The following PDE10A variants were observed in gnomAD, a reference collection of about 807,000 sequenced individuals.
The protein encoded by PDE10A is cAMP and cAMP-inhibited cGMP 3',5'-cyclic phosphodiesterase 10A.
Under a neutral mutation model 97.7 loss-of-function variants are expected in PDE10A, and 39 were observed. That is an observed-to-expected ratio of 0.40 (90% CI 0.31 to 0.52). The LOEUF (loss-of-function observed/expected upper bound fraction) is 0.52. PDE10A is among the 20% of genes least tolerant of loss of function. The probability of loss-of-function intolerance (pLI) is 0.56; values close to 1 mark genes in which losing one functional copy is unlikely to be tolerated. For synonymous variants in PDE10A, 371 were observed against 376.8 expected (o/e 0.98, Z 0.18); for missense variants, 731 against 1,047.8 (o/e 0.70, Z 4.17).
At chr6:165,508,718 T>C (rs1053049217) in intron 2 of PDE10A, among the ~76,000 whole-genome samples, 2 of 151,972 alleles carry the variant, frequency 1.3e-5, no homozygotes, top group African/African-American at 4.8e-5. Context: ...GGTTTAATTT[T>C]AGCCACTGCA....
At position 165,674,508 on chromosome 6, in the gene PDE10A, C is replaced by T. The variant is rs944020340; in HGVS notation, c.-614-130940G>A. 2.6e-5 allele frequency among the ~76,000 whole-genome samples: 4 copies of T among 152,146 alleles called. No homozygotes were observed. In the East Asian group the frequency reaches 5.8e-4, roughly 22 times the overall value. On this transcript the variant is annotated intron_variant, in intron 1 of 19. Coordinates refer to the PDE10A transcript ENST00000366882. ...CAGATTGACGTGCGTGCGTGGGAACCGTGAGACCACTGCCTGGCTTAGAGC... is the reference window on the plus strand; with the variant it reads ...CAGATTGACGTGCGTGCGTGGGAACTGTGAGACCACTGCCTGGCTTAGAGC...
At chr6:165,480,731 T>C (rs1490669858) in intron 3 of PDE10A, among the ~76,000 whole-genome samples, 1 of 152,222 alleles carries the variant, frequency 6.6e-6, no homozygotes, top group Non-Finnish European at 1.5e-5. Context: ...GCAGAAGCCC[T>C]CTGGCCAGTC....
At chr6:165,450,092 T>TC in intron 4 of PDE10A, 150 bp downstream of exon 4, 1 of 576,786 alleles carries the variant, frequency 1.7e-6, no homozygotes, top group Admixed American at 3.1e-5. Flanking sequence ...TCTGGTAGTT[T>TC]CATAATAAAA....
chr6:165,827,626 A>C (rs1220045153), intron 1 of PDE10A, among the ~76,000 whole-genome samples: 1 of 152,218 alleles, frequency 6.6e-6, no homozygotes, highest in East Asian at 1.9e-4. Flanking sequence ...TATGTATTTC[A>C]ATTCTTGGCT....
intron 1 of PDE10A, among the ~76,000 whole-genome samples, chr6:165,904,402 T>C (rs1321447896): frequency 1.3e-5 from 2 of 152,116 alleles, no homozygotes; most frequent in Non-Finnish European, 1.5e-5. Flanking sequence ...CAATGAACAA[T>C]GAAGAGAGGT....
intron 1 of PDE10A, among the ~76,000 whole-genome samples, chr6:165,643,304 C>T (rs1002329241): frequency 2.0e-5 from 3 of 151,418 alleles, no homozygotes; most frequent in Admixed American, 1.3e-4. Context: ...GATGGGTGTA[C>T]AGATGTATGG....
intron 3 of PDE10A, among the ~76,000 whole-genome samples, chr6:165,455,550 C>T (rs1254056793): frequency 1.3e-5 from 2 of 152,196 alleles, no homozygotes; most frequent in Non-Finnish European, 2.9e-5. Context: ...AATTCTTAGG[C>T]TGCATTTCAA....
At chr6:165,608,390 T>C (rs1396219298) in intron 1 of PDE10A, among the ~76,000 whole-genome samples, 1 of 151,968 alleles carries the variant, frequency 6.6e-6, no homozygotes, top group Non-Finnish European at 1.5e-5. Context: ...GATAGTTTGC[T>C]GAGAATGATG....
intron 1 of PDE10A, among the ~76,000 whole-genome samples, chr6:165,577,237 G>A (rs1363122786): frequency 6.6e-6 from 1 of 152,124 alleles, no homozygotes; most frequent in Non-Finnish European, 1.5e-5. Context: ...CCATGCCAGC[G>A]TACAGCCTTC....
chr6:165,714,083 G>A (rs1377776791), intron 1 of PDE10A, among the ~76,000 whole-genome samples: 1 of 152,218 alleles, frequency 6.6e-6, no homozygotes, highest in African/African-American at 2.4e-5. Flanking sequence ...AACATTCTGA[G>A]TAATTAGAGT....
chr6:165,526,322 G>A (rs1444561652), intron 2 of PDE10A, among the ~76,000 whole-genome samples: 1 of 152,070 alleles, frequency 6.6e-6, no homozygotes. Context: ...TGGGTCTAGT[G>A]GGTCCCTGGA....
chr6:165,610,224 T>C (rs1175766892), intron 1 of PDE10A, among the ~76,000 whole-genome samples: 2 of 152,146 alleles, frequency 1.3e-5, no homozygotes, highest in African/African-American at 2.4e-5. Flanking sequence ...AACTATCTGA[T>C]CTTTGACAAA....
intron 1 of PDE10A, among the ~76,000 whole-genome samples, chr6:165,809,406 T>C (rs1311381963): frequency 7.2e-5 from 11 of 152,222 alleles, no homozygotes; most frequent in Non-Finnish European, 1.5e-4. Context: ...TGCTGGGCTT[T>C]GCATCCTCCT....
At chr6:165,406,070 A>C (rs220779) in intron 13 of PDE10A, among the ~76,000 whole-genome samples, 32,138 of 152,110 alleles carry the variant, frequency 0.21, 3,589 homozygotes, top group Middle Eastern at 0.31. Context: ...AAAAGAAGAA[A>C]AAAAAAGACT....
chr6:165,619,404 G>A (rs866966403), intron 1 of PDE10A, among the ~76,000 whole-genome samples: 11 of 127,604 alleles, frequency 8.6e-5, no homozygotes, highest in Non-Finnish European at 1.5e-4. Context: ...GTAGTGTAGT[G>A]TAGTCTAGTG....
chr6:165,396,219 G>GTAT, intron 14 of PDE10A, 98 bp downstream of exon 14: 1 of 1,099,122 alleles, frequency 9.1e-7, no homozygotes, highest in East Asian at 2.4e-5. Context: ...TGTAATATGT[G>GTAT]TATAATAATT....
At chr6:165,810,339 C>A (rs1364383783) in intron 1 of PDE10A, among the ~76,000 whole-genome samples, 1 of 152,100 alleles carries the variant, frequency 6.6e-6, no homozygotes, top group Admixed American at 6.5e-5. Flanking sequence ...TCTGAGTATT[C>A]CGCAAATGTG....
At chr6:165,875,731 G>GTTTTTTTTTTTTTTTTTTTTTTTT (rs748111095) in intron 1 of PDE10A, among the ~76,000 whole-genome samples, 2 of 46,944 alleles carry the variant, frequency 4.3e-5, no homozygotes, top group African/African-American at 1.6e-4. Context: ...TTCTTTTACT[G>GTTTTTTTTTTTTTTTTTTTTTTTT]TTTTTTTTTT....
At chr6:165,568,221 G>C (rs951391031) in intron 1 of PDE10A, among the ~76,000 whole-genome samples, 5 of 151,894 alleles carry the variant, frequency 3.3e-5, no homozygotes, top group Admixed American at 1.3e-4. Context: ...CGATGGTCTA[G>C]ATCTGCTGAC....
Sources: gnomAD v4.1 joint callset for allele counts (sites outside exome capture counted in the v4.1 genomes callset) on GRCh38, gnomAD v4.1.1 for gene constraint, MANE v1.5 for transcripts, NCBI Gene and HGNC (gene_info 2026-07-23, HGNC 2026-07-21) for gene names.